Variants in IGDCC4 observed in about 807,000 individuals in gnomAD.
The protein encoded by IGDCC4 is immunoglobulin superfamily DCC subclass member 4.
In IGDCC4, 72 loss-of-function variants were observed where a neutral mutation model predicts 116.6. That is an observed-to-expected ratio of 0.62 (90% CI 0.51 to 0.75). The LOEUF (loss-of-function observed/expected upper bound fraction) is 0.75. Among genes scored for constraint, IGDCC4 ranks in the 30% least tolerant of loss-of-function variants. The pLI is 0.00. For missense variants in IGDCC4, 1,501 were observed against 1,662.4 expected, an observed-to-expected ratio of 0.90 and a Z score of 1.69; for synonymous variants, 709 against 719.9, an observed-to-expected ratio of 0.98 and a Z score of 0.24.
rs769985514 is a variant in IGDCC4 at position 65,385,112 on chromosome 15, AGATCTGCACGGGG to A, written c.3181-10_3183del. The stretch of plus-strand genomic sequence containing the variant: ...CTCAGCCCGCTTGGTTGAGCCCAGG[AGATCTGCACGGGG>A]GAAAGAAGGGGACAGTAAGGGGCAC... On this transcript the variant is annotated splice_acceptor_variant and splice_polypyrimidine_tract_variant and coding_sequence_variant and intron_variant, in exon 19 of 20. Transcript: ENST00000352385. LOFTEE classifies it high-confidence loss of function. 1 of 1,591,418 alleles carries A rather than the reference AGATCTGCACGGGG, an allele frequency of 6.3e-7. No homozygotes were observed. Among genetic ancestry groups the A allele is most frequent in the East Asian group, 2.3e-5 (1 of 43,940 alleles).
chr15:65,385,558 G>A (rs1216959186), intron 18 of IGDCC4: 1 of 581,294 alleles, frequency 1.7e-6, no homozygotes, highest in Non-Finnish European at 3.1e-6. Context: ...CAGCTCCAGG[G>A]ATGAGGAGGG....
chr15:65,399,145 C>T (rs2062958589), intron 5 of IGDCC4, among the ~76,000 whole-genome samples: 1 of 152,066 alleles, frequency 6.6e-6, no homozygotes, highest in Non-Finnish European at 1.5e-5. Context: ...GCATTTCTAA[C>T]TAGTCATAGG....
At chr15:65,396,347 C>A in intron 6 of IGDCC4, 184 bp from the exon 7 acceptor site, 1 of 732,262 alleles carries the variant, frequency 1.4e-6, no homozygotes, top group Non-Finnish European at 2.4e-6. Flanking sequence ...TTCTTCTCCC[C>A]ATTTACCCCA....
chr15:65,409,778 C>T (rs1428066515), intron 3 of IGDCC4, among the ~76,000 whole-genome samples: 1 of 152,216 alleles, frequency 6.6e-6, no homozygotes, highest in Non-Finnish European at 1.5e-5. Context: ...CGGAGGAACC[C>T]TGAAAAGAGA....
Position 65,395,945 on chromosome 15 carries a change from C to T in IGDCC4, c.1216G>A (p.Val406Met). ...GCCATTCCCGCGCTGTTCTCAGCCA[C>T]GCACTGGTAGTAGCCGGCGTCCTGC... Reference protein sequence around the residue: ...GLQDAGYYQCVAENSAGMACA... With the variant: ...GLQDAGYYQCMAENSAGMACA... Residue 406 changes from valine to methionine, a missense_variant, in exon 7 of 20, where the codon GTG becomes ATG. Val to Met is a conservative substitution (Grantham distance 21). Coordinates refer to ENST00000352385, the MANE Select transcript of IGDCC4 (RefSeq NM_020962.3). 2 of 1,589,790 alleles carry T rather than the reference C, an allele frequency of 1.3e-6. No homozygotes were observed.
At position 65,385,066 on chromosome 15, in the gene IGDCC4, C is replaced by T; in HGVS notation, c.3230G>A (p.Gly1077Asp). Residue 1077 changes from glycine (G) to aspartate (D), a missense_variant, in exon 19 of 20, where the codon GGC (glycine) becomes GAC (aspartate). By Grantham distance (94) the Gly-to-Asp change is moderately conservative. This residue lies in a region of IGDCC4 where 368 missense variants were observed against 355.6 expected (regional missense o/e 1.03). Coordinates refer to ENST00000352385, the MANE Select transcript of IGDCC4 (RefSeq NM_020962.3). Reference protein sequence around the residue: ...SGLSWAGSWAGCELPQAGPRP... With the variant: ...SGLSWAGSWADCELPQAGPRP... ...GGGGCCTGCCTGGGGCAGCTCACAGCCTGCCCAGGAACCAGCCCAGCTCAG... is the reference window on the plus strand; with the variant it reads ...GGGGCCTGCCTGGGGCAGCTCACAGTCTGCCCAGGAACCAGCCCAGCTCAG... 6.2e-7 allele frequency: 1 copy of T among 1,602,940 alleles called. No individual in the cohort carries two copies. The highest frequency in any genetic ancestry group is 8.5e-7 in the Non-Finnish European group (1 of 1,177,096).
At chr15:65,405,676 T>C (rs553184557) in intron 3 of IGDCC4, among the ~76,000 whole-genome samples, 77 of 152,348 alleles carry the variant, frequency 5.1e-4, no homozygotes, top group Non-Finnish European at 1.6e-4. Flanking sequence ...TTCAAAAGAC[T>C]GCAAGGAGAC....
intron 3 of IGDCC4, 21 bp downstream of exon 3, chr15:65,410,157 G>T: frequency 6.2e-7 from 1 of 1,611,010 alleles, no homozygotes. Flanking sequence ...ACCAGGACCC[G>T]CTCCCCTACA....
At position 65,411,004 on chromosome 15, in the gene IGDCC4, C is replaced by T. The variant is rs753716126; in HGVS notation, c.421+16G>A. The T allele has an allele frequency of 9.4e-6, 15 of 1,587,924 alleles. No homozygotes were observed. The highest frequency in any genetic ancestry group is 4.5e-5 in the East Asian group (2 of 44,474). On this transcript the variant is annotated intron_variant, in intron 2 of 19. Coordinates refer to ENST00000352385, the MANE Select transcript of IGDCC4 (RefSeq NM_020962.3). ...TGGGTTTCAGCCTCAGACCCCCGCC[C>T]GATGCAAGCACTTACTGGCAAGCTT...
rs775961900 is a variant in IGDCC4, at chr15:65,394,505, A to C, written c.1620T>G (p.Pro540=). 5 of 1,612,904 alleles carry C rather than the reference A, an allele frequency of 3.1e-6. No individual in the cohort carries two copies. Among genetic ancestry groups the C allele is most frequent in the Non-Finnish European group, 4.2e-6 (5 of 1,179,402 alleles). The part of the protein sequence containing the change: ...APQLSLSSPN[P]SDIRVAWLPL... ...GCAGCCACGCCACCCTGATGTCCGA[A>C]GGGTTGGGGCTGGACAGGGAGAGCT... The change falls in exon 9 of 20, where the codon CCT becomes CCG. Residue 540 remains proline (P), a synonymous_variant. Transcript: ENST00000352385.
Position 65,389,416 on chromosome 15 carries a change from T to C in IGDCC4, c.2409-5A>G, listed in dbSNP as rs1479793370. ...ATGAGGATGTCTTCTCCAGAACTGC[T>C]AAGGCAAGAAACGTGACTAGTGCTC... On this transcript the variant is annotated splice_region_variant and splice_polypyrimidine_tract_variant and intron_variant, in intron 13 of 19. Transcript: ENST00000352385. 4 of 1,614,088 alleles carry C rather than the reference T, an allele frequency of 2.5e-6. No homozygotes were observed. Among genetic ancestry groups the C allele is most frequent in the African/African-American group, 1.3e-5 (1 of 74,928 alleles).
chr15:65,389,613 G>T (rs546489493), intron 13 of IGDCC4, among the ~76,000 whole-genome samples: 1 of 152,246 alleles, frequency 6.6e-6, no homozygotes, highest in Non-Finnish European at 1.5e-5. Flanking sequence ...GTCCAATCTC[G>T]AAACCAGACC....
rs997594578 is a variant in IGDCC4 at position 65,393,705 on chromosome 15, C to T, written c.1715-174G>A. Among the ~76,000 whole-genome samples, 2 of 152,228 alleles carry T rather than the reference C, an allele frequency of 1.3e-5. No homozygotes were observed. The highest frequency in any genetic ancestry group is 4.8e-5 in the African/African-American group (2 of 41,464). On this transcript the variant is annotated intron_variant, in intron 9 of 19. Transcript: ENST00000352385. The surrounding 1 kb of genome is among the most constrained non-coding windows in gnomAD (Gnocchi z 4.6). ...GCAGATTCTATGGCTCCAGGGTTGA[C>T]GCTTGAGCCTCCAACTCTGGCTGAT...
intron 6 of IGDCC4, 126 bp downstream of exon 6, chr15:65,396,708 C>A: frequency 8.2e-7 from 1 of 1,216,346 alleles, no homozygotes; most frequent in Non-Finnish European, 1.1e-6. Context: ...ACTAGGGACT[C>A]CTCCCTGAGT....
At chr15:65,399,143 A>C (rs1286742426) in intron 5 of IGDCC4, among the ~76,000 whole-genome samples, 1 of 152,088 alleles carries the variant, frequency 6.6e-6, no homozygotes, top group Admixed American at 6.5e-5. Context: ...CTGCATTTCT[A>C]ACTAGTCATA....
intron 1 of IGDCC4, among the ~76,000 whole-genome samples, chr15:65,416,721 C>T (rs2063148683): frequency 1.3e-5 from 2 of 152,152 alleles, no homozygotes; most frequent in African/African-American, 4.8e-5. Context: ...GGGGCCACCC[C>T]TCCCATAATC....
intron 15 of IGDCC4, 41 bp downstream of exon 15, chr15:65,388,767 G>T (rs2091485330): frequency 6.2e-7 from 1 of 1,612,532 alleles, no homozygotes; most frequent in South Asian, 1.1e-5. Context: ...GGGAGAGGCT[G>T]GGAAGCTCTT....
Position 65,382,394 on chromosome 15 carries a change from C to T in IGDCC4, c.*1615G>A, listed in dbSNP as rs1464856625. On this transcript the variant is annotated 3_prime_UTR_variant, in exon 20 of 20. Coordinates refer to ENST00000352385, the MANE Select transcript of IGDCC4 (RefSeq NM_020962.3). ...AGGAAGCCGCAACTGTGCTGAGAGA[C>T]ATTCCACCATTTAAAAAAAAAAAAA... The T allele has an allele frequency of 4.3e-5, 6 of 138,188 alleles. No individual in the cohort carries two copies. Among genetic ancestry groups the T allele is most frequent in the African/African-American group, 1.1e-4 (4 of 36,452 alleles). 8.6% of individuals were successfully genotyped at this position (138,188 alleles called of 1,614,324 possible). A position where few individuals can be genotyped will look rare whatever the true frequency, so the allele number is the denominator to read the frequency against.
intron 2 of IGDCC4, 147 bp downstream of exon 2, chr15:65,410,873 G>C: frequency 1.6e-6 from 1 of 624,398 alleles, no homozygotes; most frequent in South Asian, 2.0e-5. Context: ...ATACCAGGAA[G>C]AGACCTATTG....
Sources: gnomAD v4.1 joint callset for allele counts (sites outside exome capture counted in the v4.1 genomes callset) on GRCh38, gnomAD v4.1.1 for gene constraint, gnomAD v4.1.1 regional missense constraint, Gnocchi (gnomAD v3.1) non-coding constraint, MANE v1.5 for transcripts, NCBI Gene and HGNC (gene_info 2026-07-23, HGNC 2026-07-21) for gene names.